The following ZNF846 variants were observed in gnomAD, a reference collection of about 807,000 sequenced individuals.
The protein encoded by ZNF846 is zinc finger protein 420 pseudogene.
ZNF846 carries 15 observed loss-of-function variants against 16.0 expected under a neutral mutation model. The observed-to-expected ratio is 0.94, with a 90% CI of 0.63 to 1.45. The LOEUF (loss-of-function observed/expected upper bound fraction) is 1.45, where lower values mean the gene tolerates loss of function less well. ZNF846 is among the 40% of genes most tolerant of loss of function. The pLI is 0.00. For synonymous variants in ZNF846, 229 were observed against 212.0 expected, an observed-to-expected ratio of 1.08 and a Z score of -0.70; for missense variants, 714 against 622.3, an observed-to-expected ratio of 1.15 and a Z score of -1.57.
At chr19:9,762,445 C>A in intron 3 of ZNF846, 1 of 279,948 alleles carries the variant, frequency 3.6e-6, no homozygotes, top group Admixed American at 5.1e-5. Flanking sequence ...CAAGACCAGC[C>A]TGGCCAACGT....
upstream of ZNF846, among the ~76,000 whole-genome samples, chr19:9,769,402 TTATTTTTTTG>T (rs1272874224): frequency 2.6e-5 from 4 of 152,010 alleles, 1 homozygote; most frequent in Non-Finnish European, 5.9e-5. Context: ...TATTTTATTT[TTATTTTTTTG>T]TAGAGACAGG....
chr19:9,772,565 A>G (rs1276895287), upstream of ZNF846, among the ~76,000 whole-genome samples: 2 of 151,124 alleles, frequency 1.3e-5, no homozygotes, highest in Admixed American at 6.6e-5. Context: ...ATACCGTTGC[A>G]CTCCAGTGGT....
chr19:9,775,434 T>C (rs2045430577), intron 1 of ZNF846, among the ~76,000 whole-genome samples: 2 of 152,012 alleles, frequency 1.3e-5, no homozygotes, highest in African/African-American at 4.8e-5. Flanking sequence ...TGGGATAAAA[T>C]GGAATATCTA....
chr19:9,784,169 G>A (rs2045534541), intron 1 of ZNF846, among the ~76,000 whole-genome samples: 1 of 152,142 alleles, frequency 6.6e-6, no homozygotes, highest in African/African-American at 2.4e-5. Context: ...AGAAAAGTGG[G>A]CCCAGGAGAC....
At chr19:9,763,188 T>C in intron 3 of ZNF846, 94 bp downstream of exon 3, 1 of 1,188,928 alleles carries the variant, frequency 8.4e-7, no homozygotes, top group Non-Finnish European at 1.1e-6. Flanking sequence ...GGTCCATGCC[T>C]GTCTTGCTTA....
intron 1 of ZNF846, among the ~76,000 whole-genome samples, chr19:9,783,539 AAAAAAATATAT>A (rs2045525749): frequency 8.1e-6 from 1 of 124,014 alleles, no homozygotes; most frequent in African/African-American, 3.0e-5. Flanking sequence ...AAAAAAAAAA[AAAAAAATATAT>A]ATATATATAT....
chr19:9,758,220 TCTTTA>T lies in ZNF846; in HGVS notation c.852_856del (p.Cys284Ter), dbSNP rs2045164744. The T allele has an allele frequency of 1.9e-6, 3 of 1,613,322 alleles. No individual in the cohort carries two copies. Among genetic ancestry groups the T allele is most frequent in the Non-Finnish European group, 2.5e-6 (3 of 1,179,992 alleles). On this transcript the variant is annotated stop_gained and frameshift_variant, in exon 6 of 6. Transcript: ENST00000397902. LOFTEE classifies it low-confidence loss of function (END_TRUNC). ...AGAATGGGTGAAGGCTTTCCCACAC[TCTTTA>T]CATTTATATGGTTTTTCTCCACTGT...
intron 1 of ZNF846, among the ~76,000 whole-genome samples, chr19:9,778,772 C>T (rs984891188): frequency 3.7e-5 from 5 of 135,486 alleles, no homozygotes; most frequent in Non-Finnish European, 6.1e-5. Context: ...CATTGCAGTG[C>T]AGCTTGGGCA....
rs1268742177 is a variant in ZNF846 at position 9,774,456 on chromosome 19, A to C, written c.-85-9421T>G. Reference sequence around the variant, plus strand: ...GCACTCCAGCCTGGGCAACAGAGCAAGACTCCGTCTCAAAAAAAAAAAAAA... The same window carrying C: ...GCACTCCAGCCTGGGCAACAGAGCACGACTCCGTCTCAAAAAAAAAAAAAA... On this transcript the variant is annotated intron_variant, in intron 1 of 4. Transcript: ENST00000586814. The C allele has an allele frequency of 5.2e-6, 4 of 767,150 alleles. No homozygotes were observed. In the African/African-American group the frequency reaches 7.0e-5, roughly 13 times the overall value. The allele number at this position is 767,150 out of a possible 1,614,324, so 47.5% of individuals were successfully genotyped here. A position where few individuals can be genotyped will look rare whatever the true frequency, so the allele number is the denominator to read the frequency against.
At chr19:9,780,043 A>ATTTT (rs1568330804) in intron 1 of ZNF846, among the ~76,000 whole-genome samples, 1 of 124,906 alleles carries the variant, frequency 8.0e-6, no homozygotes, top group African/African-American at 3.6e-5. Context: ...TGCCCAGCTA[A>ATTTT]TTTTGTTTTT....
exon 6 of ZNF846, chr19:9,758,283 T>C (rs1328841825): frequency 1.9e-6 from 3 of 1,613,352 alleles, no homozygotes; most frequent in Non-Finnish European, 2.5e-6. Flanking sequence ...TCCTGTGGAT[T>C]GAGTGAAAGC....
At chr19:9,756,343 G>GTATATATATATATATA (rs1190301971), downstream of ZNF846, 11 of 71,178 alleles carry the variant, frequency 1.5e-4, no homozygotes, top group Non-Finnish European at 2.2e-4. Flanking sequence ...GTGTGTGTGT[G>GTATATATATATATATA]TGTATATATA....
chr19:9,771,219 C>A (rs142350530), upstream of ZNF846, among the ~76,000 whole-genome samples: 1,978 of 152,116 alleles, frequency 0.013, 44 homozygotes, highest in African/African-American at 0.045. Flanking sequence ...GAGTCTCATT[C>A]TGTTGCCCAG....
chr19:9,751,777 T>A (rs764852194), downstream of ZNF846, among the ~76,000 whole-genome samples: 1 of 152,204 alleles, frequency 6.6e-6, no homozygotes, highest in African/African-American at 2.4e-5. Context: ...ATGTACTTCA[T>A]AACATCCATC....
At chr19:9,761,571 C>T (rs934153459) in intron 4 of ZNF846, among the ~76,000 whole-genome samples, 19 of 151,676 alleles carry the variant, frequency 1.3e-4, no homozygotes, top group Admixed American at 6.6e-4. Context: ...ATTAGTTGGG[C>T]GTGGTGTCAG....
intron 1 of ZNF846, among the ~76,000 whole-genome samples, chr19:9,779,726 A>T (rs1299622736): frequency 6.6e-6 from 1 of 151,634 alleles, no homozygotes; most frequent in African/African-American, 2.4e-5. Context: ...GCCCACCACC[A>T]CACCCAGCTA....
exon 6 of ZNF846, chr19:9,758,582 A>G (rs1407514117): frequency 6.2e-7 from 1 of 1,612,828 alleles, no homozygotes. Context: ...TTTTCCCCTC[A>G]GCATGACTTT....
chr19:9,767,519 A>G (rs1459929922), intron 1 of ZNF846, among the ~76,000 whole-genome samples: 1 of 152,226 alleles, frequency 6.6e-6, no homozygotes, highest in East Asian at 1.9e-4. Context: ...CAACAAGGAT[A>G]TATAATAGGT....
intron 5 of ZNF846, 109 bp from the exon 6 acceptor site, chr19:9,758,873 C>T (rs1252490436): frequency 5.3e-6 from 5 of 951,142 alleles, no homozygotes; most frequent in Non-Finnish European, 7.5e-6. Flanking sequence ...AACATTTTAA[C>T]ATATCCATTA....
Sources: gnomAD v4.1 joint callset for allele counts (sites outside exome capture counted in the v4.1 genomes callset) on GRCh38, gnomAD v4.1.1 for gene constraint, MANE v1.5 for transcripts, NCBI Gene and HGNC (gene_info 2026-07-23, HGNC 2026-07-21) for gene names.